Variants in SH3GL3 observed in about 807,000 individuals in gnomAD.
SH3GL3 encodes endophilin-A3.
A neutral mutation model predicts 47.7 loss-of-function variants in SH3GL3; 33 were observed. The observed-to-expected ratio is 0.69, with a 90% CI of 0.52 to 0.92. The LOEUF (loss-of-function observed/expected upper bound fraction) is 0.92, where lower values mean the gene tolerates loss of function less well. SH3GL3 is among the 40% of genes least tolerant of loss of function. SH3GL3 has a pLI of 0.00. For synonymous variants in SH3GL3, 155 were observed against 148.8 expected, an observed-to-expected ratio of 1.04 and a Z score of -0.30; for missense variants, 363 against 417.8, an observed-to-expected ratio of 0.87 and a Z score of 1.14.
intron 1 of SH3GL3, chr15:83,490,671 G>A: frequency 1.8e-6 from 2 of 1,129,204 alleles, no homozygotes; most frequent in Non-Finnish European, 2.5e-6. Context: ...GGGCAGGATA[G>A]CACCTGCACA....
At chr15:83,473,562 T>A in intron 1 of SH3GL3, among the ~76,000 whole-genome samples, 1 of 151,776 alleles carries the variant, frequency 6.6e-6, no homozygotes, top group Admixed American at 6.5e-5. Context: ...TTTTTTTTTT[T>A]TCTGAGACAG....
intron 6 of SH3GL3, among the ~76,000 whole-genome samples, chr15:83,579,147 C>T (rs1567007498): frequency 6.6e-6 from 1 of 152,222 alleles, no homozygotes; most frequent in Admixed American, 6.5e-5. Context: ...CATGTTTTGA[C>T]AGTAACACGT....
intron 1 of SH3GL3, among the ~76,000 whole-genome samples, chr15:83,525,947 G>T (rs1442428785): frequency 6.6e-6 from 1 of 152,130 alleles, no homozygotes; most frequent in Non-Finnish European, 1.5e-5. Context: ...TTTGACATCA[G>T]GTAGTGTGAT....
chr15:83,622,195 A>T (rs1350474475), downstream of SH3GL3, among the ~76,000 whole-genome samples: 1 of 152,194 alleles, frequency 6.6e-6, no homozygotes, highest in East Asian at 1.9e-4. Flanking sequence ...ATGCCATAAC[A>T]CTGAGTAACT....
intron 1 of SH3GL3, among the ~76,000 whole-genome samples, chr15:83,509,629 C>G (rs142434208): frequency 1.3e-5 from 2 of 152,236 alleles, no homozygotes; most frequent in African/African-American, 4.8e-5. Context: ...GATACAAGAA[C>G]TGTATTTACC....
intron 1 of SH3GL3, among the ~76,000 whole-genome samples, chr15:83,508,796 A>G (rs2042624409): frequency 6.6e-6 from 1 of 152,050 alleles, no homozygotes; most frequent in Non-Finnish European, 1.5e-5. Flanking sequence ...GGCCACCATC[A>G]TGTTGGCCAG....
chr15:83,569,639 G>T (rs1319936213), intron 4 of SH3GL3, among the ~76,000 whole-genome samples: 2 of 152,126 alleles, frequency 1.3e-5, no homozygotes, highest in Non-Finnish European at 2.9e-5. Context: ...GTGAGTGAGG[G>T]TATATTTCTC....
the SH3GL3 span, among the ~76,000 whole-genome samples, chr15:83,631,982 G>A: frequency 6.6e-6 from 1 of 152,180 alleles, no homozygotes; most frequent in East Asian, 1.9e-4. Context: ...TGAACGCTTT[G>A]CCACTTAGAA....
chr15:83,486,468 T>C (rs1457334231), intron 1 of SH3GL3, among the ~76,000 whole-genome samples: 1 of 152,250 alleles, frequency 6.6e-6, no homozygotes, highest in Non-Finnish European at 1.5e-5. Context: ...TTATTCTGGA[T>C]ATTTTATATG....
intron 3 of SH3GL3, among the ~76,000 whole-genome samples, chr15:83,567,568 G>A (rs1313651686): frequency 6.6e-6 from 1 of 152,124 alleles, no homozygotes; most frequent in Non-Finnish European, 1.5e-5. Context: ...TGCACCTTGG[G>A]ACCAGCCACA....
intron 1 of SH3GL3, among the ~76,000 whole-genome samples, chr15:83,481,714 T>A (rs2041368045): frequency 6.6e-6 from 1 of 152,222 alleles, no homozygotes; most frequent in African/African-American, 2.4e-5. Context: ...ATCGTTTTTT[T>A]CCCCTGACAA....
chr15:83,469,018 T>A (rs2040712931), intron 1 of SH3GL3, among the ~76,000 whole-genome samples: 1 of 152,130 alleles, frequency 6.6e-6, no homozygotes, highest in African/African-American at 2.4e-5. Context: ...AGTGATATAG[T>A]GTTATTCAAA....
chr15:83,515,075 T>G (rs1332941795), intron 1 of SH3GL3, among the ~76,000 whole-genome samples: 1 of 152,138 alleles, frequency 6.6e-6, no homozygotes, highest in African/African-American at 2.4e-5. Flanking sequence ...CCCCTTGATT[T>G]TAGCCCTGGA....
rs533999632 is a variant in SH3GL3, at chr15:83,610,263, G to A, written c.839-7819G>A. ...GAAATGGTGTGGGAGAAGGCTGGGC[G>A]TGGTAGCTCATGCCTGTAATTCCAT... is the stretch of plus-strand genomic sequence containing the variant. On this transcript the variant is annotated intron_variant, in intron 8 of 8. Transcript: ENST00000427482. Among the ~76,000 whole-genome samples, 14 of 152,336 alleles carry A rather than the reference G, an allele frequency of 9.2e-5. No individual in the cohort carries two copies. In the South Asian group the frequency reaches 1.7e-3, roughly 18 times the overall value.
intron 1 of SH3GL3, among the ~76,000 whole-genome samples, chr15:83,532,023 A>G (rs564710910): frequency 1.3e-5 from 2 of 152,174 alleles, no homozygotes; most frequent in Admixed American, 6.5e-5. Context: ...GGCTGTTTTT[A>G]AAAACATCTG....
Position 83,482,280 on chromosome 15 carries a change from G to T in SH3GL3, c.45+34702G>T, listed in dbSNP as rs188792321. 4.8e-3 allele frequency among the ~76,000 whole-genome samples: 737 copies of T among 152,064 alleles called. 3 individuals carry two copies. The highest frequency in any genetic ancestry group is 0.027 in the Middle Eastern group (8 of 294). On this transcript the variant is annotated intron_variant, in intron 1 of 8. Transcript: ENST00000427482. The stretch of plus-strand genomic sequence containing the variant: ...TGGTTTATTTAGCTGATCCTTTGTG[G>T]TTGTTGCAAGCTTTTTTGTGTATTG...
At chr15:83,628,082 C>G in the SH3GL3 span, among the ~76,000 whole-genome samples, 1 of 152,184 alleles carries the variant, frequency 6.6e-6, no homozygotes, top group East Asian at 1.9e-4. Context: ...TCAGGGCACT[C>G]AAACACACAT....
chr15:83,504,114 A>G (rs1462838667), intron 1 of SH3GL3, among the ~76,000 whole-genome samples: 2 of 152,182 alleles, frequency 1.3e-5, no homozygotes, highest in Non-Finnish European at 2.9e-5. Context: ...CCTGTTAGTC[A>G]TTTGAAATTT....
rs3078535 is a variant in SH3GL3, at chr15:83,523,947, TAAAA to T, written c.46-35289_46-35286del. ...AGATCATATTTGGTGTTCAGCAATCTAAAAAAAAAAAAAAAAAAAACAGACAGCA... is the reference window on the plus strand; with the variant it reads ...AGATCATATTTGGTGTTCAGCAATCTAAAAAAAAAAAAAAAACAGACAGCA... On this transcript the variant is annotated intron_variant, in intron 1 of 8. Coordinates refer to ENST00000427482, the MANE Select transcript of SH3GL3 (RefSeq NM_003027.5). 2.1e-3 allele frequency among the ~76,000 whole-genome samples: 273 copies of T among 131,868 alleles called. 2 individuals are homozygous for T. Among genetic ancestry groups the T allele is most frequent in the East Asian group, 7.1e-3 (32 of 4,538 alleles). The allele number at this position is 131,868 out of a possible 152,430, so 86.5% of individuals were successfully genotyped here. A position where few individuals can be genotyped will look rare whatever the true frequency, so the allele number is the denominator to read the frequency against.
Sources: allele counts gnomAD v4.1 joint callset (sites outside exome capture counted in the v4.1 genomes callset), GRCh38; gene constraint gnomAD v4.1.1; transcripts MANE v1.5; gene names NCBI Gene and HGNC (gene_info 2026-07-23, HGNC 2026-07-21).